Variants in VAV1 observed in about 807,000 individuals in gnomAD.
VAV1 encodes the protein proto-oncogene vav.
In VAV1, 33 loss-of-function variants were observed where a neutral mutation model predicts 128.1. The observed-to-expected ratio is 0.26, with a 90% CI of 0.20 to 0.34. VAV1 has a LOEUF of 0.34. VAV1 is among the 10% of genes least tolerant of loss of function. The pLI is 1.00. For missense variants in VAV1, 715 were observed against 1,093.7 expected (o/e 0.65, Z 4.88); for synonymous variants, 394 against 409.8 (o/e 0.96, Z 0.47).
intron 21 of VAV1, among the ~76,000 whole-genome samples, chr19:6,841,041 G>C (rs1599674667): frequency 6.6e-6 from 1 of 152,028 alleles, no homozygotes; most frequent in Non-Finnish European, 1.5e-5. Context: ...GCCTCCCAAA[G>C]TGCTGGGAGT....
At chr19:6,849,078 A>C (rs1326728443) in intron 23 of VAV1, among the ~76,000 whole-genome samples, 1 of 146,832 alleles carries the variant, frequency 6.8e-6, no homozygotes, top group Admixed American at 6.8e-5. Context: ...GAGCCACTAC[A>C]TCCCACCTAT....
Position 6,828,303 on chromosome 19 carries a change from G to T in VAV1, c.1024-116G>T. On this transcript the variant is annotated intron_variant, in intron 10 of 26. Transcript: ENST00000602142. The surrounding 1 kb of genome is among the most constrained non-coding windows in gnomAD (Gnocchi z 4.5). ...GATGGGTCACTGGGGTCATGTCTCA[G>T]CCTCCAGGGTCAGCAGTACGATGGA... The T allele has an allele frequency of 6.6e-7, 1 of 1,522,852 alleles. No homozygotes were observed. The highest frequency in any genetic ancestry group is 1.2e-5 in the South Asian group (1 of 86,530). 94.3% of individuals were successfully genotyped at this position (1,522,852 alleles called of 1,614,324 possible). A position where few individuals can be genotyped will look rare whatever the true frequency, so the allele number is the denominator to read the frequency against.
intron 1 of VAV1, among the ~76,000 whole-genome samples, chr19:6,814,893 A>G (rs759384624): frequency 6.6e-5 from 10 of 151,540 alleles, no homozygotes; most frequent in Non-Finnish European, 1.0e-4. Flanking sequence ...TTTTCTGAAG[A>G]CCTTCTTTAT....
At chr19:6,846,267 C>G (rs1972519465) in intron 22 of VAV1, among the ~76,000 whole-genome samples, 1 of 150,924 alleles carries the variant, frequency 6.6e-6, no homozygotes, top group East Asian at 1.9e-4. Context: ...ATTACATTAA[C>G]AAGAGATATT....
At chr19:6,834,671 TA>T (rs1300107652) in intron 19 of VAV1, among the ~76,000 whole-genome samples, 1 of 146,538 alleles carries the variant, frequency 6.8e-6, no homozygotes, top group African/African-American at 2.5e-5. Flanking sequence ...AAATATATAT[TA>T]ATATATATTT....
chr19:6,822,328 C>T lies in VAV1; in HGVS notation c.557C>T (p.Pro186Leu). ...ATGCGCTCGGAGCCCGTGTCCATGCCGGTGCGTGACGTGGAGGGTCGGGCC... is the reference window on the plus strand; with the variant it reads ...ATGCGCTCGGAGCCCGTGTCCATGCTGGTGCGTGACGTGGAGGGTCGGGCC... ...DLMRSEPVSM[P>L]PKMTEYDKRC... The change falls in exon 5 of 27, where the codon CCG becomes CTG. Residue 186 changes from proline (P) to leucine (L), a missense_variant and splice_region_variant. Pro to Leu is a moderately conservative substitution (Grantham distance 98). Transcript: ENST00000602142. The surrounding 1 kb of genome is among the most constrained non-coding windows in gnomAD (Gnocchi z 5.9). The T allele has an allele frequency of 2.6e-6, 3 of 1,164,416 alleles. No individual in the cohort carries two copies. The highest frequency in any genetic ancestry group is 1.3e-5 in the South Asian group (1 of 78,962). The allele number at this position is 1,164,416 out of a possible 1,614,324, so 72.1% of individuals were successfully genotyped here. A position where few individuals can be genotyped will look rare whatever the true frequency, so the allele number is the denominator to read the frequency against.
chr19:6,799,463 C>T (rs766913911), intron 1 of VAV1, among the ~76,000 whole-genome samples: 17 of 152,100 alleles, frequency 1.1e-4, no homozygotes, highest in Non-Finnish European at 1.3e-4. Flanking sequence ...CCACCATGCC[C>T]GGCCTATACT....
intron 26 of VAV1, among the ~76,000 whole-genome samples, chr19:6,856,730 G>GAAAAAAAAAAAAAAAAAAAAAA (rs1222535432): frequency 4.4e-5 from 3 of 68,836 alleles, no homozygotes; most frequent in Non-Finnish European, 9.3e-5. Flanking sequence ...TCTCAAAAAA[G>GAAAAAAAAAAAAAAAAAAAAAA]AAAAAAAAAA....
Position 6,838,571 on chromosome 19 carries a change from C to T in VAV1, c.1980+1521C>T, listed in dbSNP as rs1000527229. Among the ~76,000 whole-genome samples, 6 of 152,044 alleles carry T rather than the reference C, an allele frequency of 3.9e-5. No individual in the cohort carries two copies. The East Asian group carries it at 7.7e-4, about 20-fold the overall frequency. Reference sequence around the variant, plus strand: ...ATCTCTCTGCCTATTTTTCACCTACCGATCTAACCATCTATCATCTGTCTA... The same window carrying T: ...ATCTCTCTGCCTATTTTTCACCTACTGATCTAACCATCTATCATCTGTCTA... On this transcript the variant is annotated intron_variant, in intron 21 of 26. Coordinates refer to ENST00000602142, the MANE Select transcript of VAV1 (RefSeq NM_005428.4).
intron 26 of VAV1, 38 bp downstream of exon 26, chr19:6,854,136 G>A: frequency 1.2e-6 from 2 of 1,605,384 alleles, no homozygotes; most frequent in Non-Finnish European, 1.7e-6. Flanking sequence ...GAGGGCATGG[G>A]GGTTGAGCTG....
At chr19:6,825,255 C>A in intron 7 of VAV1, 48 bp from the exon 8 acceptor site, 1 of 1,589,426 alleles carries the variant, frequency 6.3e-7, no homozygotes, top group Non-Finnish European at 8.6e-7. Context: ...TTCCTGGCCC[C>A]CTGAGCCCTG....
chr19:6,795,542 A>G (rs899009369), intron 1 of VAV1, among the ~76,000 whole-genome samples: 1 of 151,954 alleles, frequency 6.6e-6, no homozygotes, highest in Non-Finnish European at 1.5e-5. Context: ...CTGGTTCTCA[A>G]TTGATGGGAG....
intron 1 of VAV1, among the ~76,000 whole-genome samples, chr19:6,814,718 T>TTCTCTCTC (rs2076083531): frequency 6.9e-6 from 1 of 143,910 alleles, no homozygotes; most frequent in Non-Finnish European, 1.5e-5. Context: ...CTTTCTTTCT[T>TTCTCTCTC]TCTTTCTTTC....
intron 14 of VAV1, among the ~76,000 whole-genome samples, chr19:6,831,602 G>A (rs1297482658): frequency 1.3e-5 from 2 of 152,126 alleles, no homozygotes; most frequent in Admixed American, 6.6e-5. Flanking sequence ...GTAAGCCACC[G>A]CGCCCGGCTG....
rs1970668087 is a variant in VAV1, at chr19:6,777,280, TCCATCCA to T, written c.204+4270_204+4276del. Reference sequence around the variant, plus strand: ...ATCCATCCATCCATCCATCCATCCATCCATCCAGCAATGACAAGGTCTGCCAGGCCCT... The same window carrying T: ...ATCCATCCATCCATCCATCCATCCATGCAATGACAAGGTCTGCCAGGCCCT... On this transcript the variant is annotated intron_variant, in intron 1 of 26. Coordinates refer to ENST00000602142, the MANE Select transcript of VAV1 (RefSeq NM_005428.4). The surrounding 1 kb of genome is among the most constrained non-coding windows in gnomAD (Gnocchi z 4.4). Among the ~76,000 whole-genome samples the T allele has an allele frequency of 7.8e-6, 1 of 128,308 alleles. No individual in the cohort carries two copies. Among genetic ancestry groups the T allele is most frequent in the East Asian group, 2.3e-4 (1 of 4,366 alleles). The allele number at this position is 128,308 out of a possible 152,430, so 84.2% of individuals were successfully genotyped here. A position where few individuals can be genotyped will look rare whatever the true frequency, so the allele number is the denominator to read the frequency against.
chr19:6,814,717 T>TTTCTTTCTTTCC (rs1971604921), intron 1 of VAV1, among the ~76,000 whole-genome samples: 1 of 139,858 alleles, frequency 7.2e-6, no homozygotes, highest in African/African-American at 2.9e-5. Context: ...TCTTTCTTTC[T>TTTCTTTCTTTCC]TTCTTTCTTT....
chr19:6,853,147 T>G, intron 25 of VAV1, 68 bp downstream of exon 25: 1 of 1,441,906 alleles, frequency 6.9e-7, no homozygotes, highest in Non-Finnish European at 9.6e-7. Flanking sequence ...ACTTTGGGGA[T>G]GCCATTGACA....
intron 1 of VAV1, among the ~76,000 whole-genome samples, chr19:6,808,502 A>C (rs1385710459): frequency 6.6e-6 from 1 of 152,196 alleles, no homozygotes; most frequent in East Asian, 1.9e-4. Context: ...ATCTGAGCTT[A>C]ATCAGTCCAA....
intron 9 of VAV1, chr19:6,827,132 CA>C (rs1264613578): frequency 9.7e-6 from 2 of 206,930 alleles, no homozygotes. Context: ...ACAGACAGGG[CA>C]GGGGTGGTGA....
Sources: gnomAD v4.1 joint callset for allele counts (sites outside exome capture counted in the v4.1 genomes callset) on GRCh38, gnomAD v4.1.1 for gene constraint, Gnocchi (gnomAD v3.1) non-coding constraint, MANE v1.5 for transcripts, NCBI Gene and HGNC (gene_info 2026-07-23, HGNC 2026-07-21) for gene names.